FLVCR1: variants seen among roughly 807,000 people sequenced by gnomAD.
FLVCR1 encodes the protein FLVCR choline and heme transporter 1.
A neutral mutation model predicts 53.6 loss-of-function variants in FLVCR1; 34 were observed. The observed-to-expected ratio is 0.63, with a 90% CI of 0.48 to 0.84. The LOEUF (loss-of-function observed/expected upper bound fraction) is 0.84, where lower values mean the gene tolerates loss of function less well. Ranked by LOEUF, FLVCR1 falls within the 40% of genes least tolerant of loss-of-function variation. FLVCR1 has a pLI of 0.00. For synonymous variants in FLVCR1, 300 were observed against 286.3 expected (o/e 1.05, Z -0.48); for missense variants, 677 against 696.7 (o/e 0.97, Z 0.32).
At chr1:212,872,851 T>A in intron 3 of FLVCR1, 33 bp downstream of exon 3, 1 of 1,611,600 alleles carries the variant, frequency 6.2e-7, no homozygotes, top group South Asian at 1.1e-5. Context: ...CTTTAATGTC[T>A]GTGTGAGCCT....
At chr1:212,882,308 A>G (rs1307534734) in intron 3 of FLVCR1, among the ~76,000 whole-genome samples, 1 of 152,244 alleles carries the variant, frequency 6.6e-6, no homozygotes, top group Non-Finnish European at 1.5e-5. Context: ...ACAGAAAACT[A>G]ATGAACTACA....
chr1:212,889,106 T>A, intron 7 of FLVCR1, 40 bp from the exon 8 acceptor site: 3 of 1,366,442 alleles, frequency 2.2e-6, no homozygotes, highest in Non-Finnish European at 3.1e-6. Context: ...CTTTAAATAA[T>A]TTAACTTAAT....
intron 3 of FLVCR1, 26 bp downstream of exon 3, chr1:212,872,844 T>G: frequency 6.2e-7 from 1 of 1,612,734 alleles, no homozygotes; most frequent in South Asian, 1.1e-5. Context: ...GTACTTTCTT[T>G]AATGTCTGTG....
At chr1:212,865,753 A>G (rs1664395518) in intron 2 of FLVCR1, among the ~76,000 whole-genome samples, 1 of 151,594 alleles carries the variant, frequency 6.6e-6, no homozygotes, top group Admixed American at 6.6e-5. Flanking sequence ...AAGTGCTGGG[A>G]TTATAGGCAT....
In FLVCR1 at chr1:212,894,224, G is replaced by C. The variant is rs529439404; in HGVS notation, c.1526-762G>C. On this transcript the variant is annotated intron_variant, in intron 8 of 9. Coordinates refer to ENST00000366971, the MANE Select transcript of FLVCR1 (RefSeq NM_014053.4). ...AAATATGTGCAGTGGTGCGATCTCTGCTCACTGCAACCTCCACCTCCCAGG... is the reference window on the plus strand; with the variant it reads ...AAATATGTGCAGTGGTGCGATCTCTCCTCACTGCAACCTCCACCTCCCAGG... 6.1e-4 allele frequency among the ~76,000 whole-genome samples: 93 copies of C among 152,150 alleles called. 2 individuals are homozygous for C. The highest frequency in any genetic ancestry group is 2.1e-3 in the African/African-American group (87 of 41,488).
In FLVCR1 at chr1:212,895,448, G is replaced by C; in HGVS notation, c.*158G>C. The stretch of plus-strand genomic sequence containing the variant: ...ACTCTAAATGCATAATTATTATTTT[G>C]CTTAATTGTTAAATTAAGGGAAATT... On this transcript the variant is annotated 3_prime_UTR_variant, in exon 10 of 10. Coordinates refer to ENST00000366971, the MANE Select transcript of FLVCR1 (RefSeq NM_014053.4). 1.5e-6 allele frequency: 1 copy of C among 658,520 alleles called. No individual in the cohort carries two copies. The highest frequency in any genetic ancestry group is 2.5e-4 in the Middle Eastern group (1 of 4,080). 40.8% of individuals were successfully genotyped at this position (658,520 alleles called of 1,614,324 possible).
At chr1:212,866,045 C>T (rs1189603530) in intron 2 of FLVCR1, among the ~76,000 whole-genome samples, 3 of 101,502 alleles carry the variant, frequency 3.0e-5, no homozygotes, top group Non-Finnish European at 7.0e-5. Context: ...AGTGCAGTGG[C>T]GCAATTTCGA....
intron 2 of FLVCR1, among the ~76,000 whole-genome samples, chr1:212,868,080 G>C (rs566620442): frequency 6.6e-6 from 1 of 152,098 alleles, no homozygotes; most frequent in African/African-American, 2.4e-5. Flanking sequence ...TGGGATTACA[G>C]GTGTGATAAT....
rs777846238 is a variant in FLVCR1, at chr1:212,888,006, G to T, written c.1307+5G>T. 1.6e-5 allele frequency: 23 copies of T among 1,456,446 alleles called. No individual in the cohort carries two copies. Among genetic ancestry groups the T allele is most frequent in the Non-Finnish European group, 2.0e-5 (21 of 1,036,566 alleles). The allele number at this position is 1,456,446 out of a possible 1,614,324, so 90.2% of individuals were successfully genotyped here. A position where few individuals can be genotyped will look rare whatever the true frequency, so the allele number is the denominator to read the frequency against. Reference sequence around the variant, plus strand: ...TGTTACTGGAGGGGTGCTTGGGTAAGTATCAGATGTGTTTAGGAGGAATGA... The same window carrying T: ...TGTTACTGGAGGGGTGCTTGGGTAATTATCAGATGTGTTTAGGAGGAATGA... On this transcript the variant is annotated splice_donor_5th_base_variant and intron_variant, in intron 6 of 9. Transcript: ENST00000366971.
Position 212,860,350 on chromosome 1 carries a change from G to GTTTTTTTTTTTTTTTT in FLVCR1, c.738+1163_738+1178dup, listed in dbSNP as rs567270153. The stretch of plus-strand genomic sequence containing the variant: ...TATTATAAAGTTTTTTGTGTGTGTG[G>GTTTTTTTTTTTTTTTT]TTTTTTTTTTTTTTTTTTGTAGAAA... On this transcript the variant is annotated intron_variant, in intron 1 of 9. Coordinates refer to ENST00000366971, the MANE Select transcript of FLVCR1 (RefSeq NM_014053.4). Among the ~76,000 whole-genome samples, 51 of 85,826 alleles carry GTTTTTTTTTTTTTTTT rather than the reference G, an allele frequency of 5.9e-4. 4 individuals are homozygous for GTTTTTTTTTTTTTTTT. The highest frequency in any genetic ancestry group is 1.2e-3 in the East Asian group (3 of 2,432). The allele number at this position is 85,826 out of a possible 152,430, so 56.3% of individuals were successfully genotyped here. A position where few individuals can be genotyped will look rare whatever the true frequency, so the allele number is the denominator to read the frequency against.
intron 3 of FLVCR1, among the ~76,000 whole-genome samples, chr1:212,875,712 G>A (rs1056912146): frequency 4.0e-5 from 6 of 151,496 alleles, no homozygotes; most frequent in Admixed American, 6.6e-5. Context: ...TGGTGGGTGC[G>A]CACCTATAGT....
In FLVCR1 at chr1:212,895,370, G is replaced by T; in HGVS notation, c.*80G>T. ...GGAGAGAGATGTGAGCACCAAGGCT[G>T]GGTTTGTATGTGGTGGGGGAATAAA... On this transcript the variant is annotated 3_prime_UTR_variant, in exon 10 of 10. Coordinates refer to ENST00000366971, the MANE Select transcript of FLVCR1 (RefSeq NM_014053.4). 1 of 1,022,422 alleles carries T rather than the reference G, an allele frequency of 9.8e-7. No homozygotes were observed. Among genetic ancestry groups the T allele is most frequent in the East Asian group, 2.4e-5 (1 of 41,524 alleles). 63.3% of individuals were successfully genotyped at this position (1,022,422 alleles called of 1,614,324 possible).
chr1:212,884,886 A>G (rs1055691932), intron 4 of FLVCR1, among the ~76,000 whole-genome samples: 2 of 152,220 alleles, frequency 1.3e-5, no homozygotes, highest in Non-Finnish European at 2.9e-5. Flanking sequence ...GTATCTAAAT[A>G]TATCTAAACA....
intron 1 of FLVCR1, among the ~76,000 whole-genome samples, chr1:212,861,410 G>A (rs1397376000): frequency 1.3e-5 from 2 of 151,914 alleles, no homozygotes; most frequent in African/African-American, 2.4e-5. Flanking sequence ...TCTATATAAG[G>A]TGCTCCCCCA....
chr1:212,878,528 C>A (rs1423591579), intron 3 of FLVCR1, among the ~76,000 whole-genome samples: 1 of 77,208 alleles, frequency 1.3e-5, no homozygotes, highest in Non-Finnish European at 2.8e-5. Flanking sequence ...AGTGAGTCTC[C>A]GTCTCAAAAA....
chr1:212,874,044 G>A (rs776451972), intron 3 of FLVCR1, among the ~76,000 whole-genome samples: 1 of 152,010 alleles, frequency 6.6e-6, no homozygotes, highest in Non-Finnish European at 1.5e-5. Context: ...TTTTGCTCTT[G>A]TTGCCCAGAC....
At chr1:212,893,067 G>A (rs74518386) in intron 8 of FLVCR1, among the ~76,000 whole-genome samples, 44 of 61,240 alleles carry the variant, frequency 7.2e-4, no homozygotes, top group Non-Finnish European at 1.5e-3. Context: ...TTTTTTTTTG[G>A]GGGGGGGTGC....
chr1:212,866,673 T>C (rs2102542144), intron 2 of FLVCR1, among the ~76,000 whole-genome samples: 1 of 152,306 alleles, frequency 6.6e-6, no homozygotes, highest in East Asian at 1.9e-4. Flanking sequence ...TATTACCCTT[T>C]GTTATTTGAG....
chr1:212,859,062 A>T lies in FLVCR1; in HGVS notation c.610A>T (p.Met204Leu). Residue 204 changes from methionine (M) to leucine (L), a missense_variant, in exon 1 of 10, where the codon ATG becomes TTG. Physicochemically the swap from Met to Leu is conservative, Grantham distance 15 (BLOSUM62 2). Coordinates refer to ENST00000366971, the MANE Select transcript of FLVCR1 (RefSeq NM_014053.4). The stretch of plus-strand genomic sequence containing the variant: ...GCAGCAGCATCTCTTCTGGGTCACC[A>T]TGTTGGGCCAGTGCTTGTGCTCGGT... ...SVQQHLFWVTMLGQCLCSVAQ... is the reference protein window; with the variant it reads ...SVQQHLFWVTLLGQCLCSVAQ... 1 of 1,613,068 alleles carries T rather than the reference A, an allele frequency of 6.2e-7. No individual in the cohort carries two copies. The highest frequency in any genetic ancestry group is 1.1e-5 in the South Asian group (1 of 91,000).
Sources: gnomAD v4.1 joint callset for allele counts (sites outside exome capture counted in the v4.1 genomes callset) on GRCh38, gnomAD v4.1.1 for gene constraint, MANE v1.5 for transcripts, NCBI Gene and HGNC (gene_info 2026-07-23, HGNC 2026-07-21) for gene names.